Variants in MAP4K4 observed in about 807,000 individuals in gnomAD.
The protein encoded by MAP4K4 is HPK/GCK-like kinase HGK.
MAP4K4 carries 38 observed loss-of-function variants against 189.6 expected under a neutral mutation model. The observed-to-expected ratio is 0.20, with a 90% CI of 0.15 to 0.26. The LOEUF (loss-of-function observed/expected upper bound fraction) is 0.26. Among genes scored for constraint, MAP4K4 ranks in the 10% least tolerant of loss-of-function variants. MAP4K4 has a pLI of 1.00. For missense variants in MAP4K4, 1,054 were observed against 1,726.9 expected (o/e 0.61, Z 6.91); for synonymous variants, 610 against 624.3 (o/e 0.98, Z 0.34).
At chr2:101,713,120 A>C (rs1400549005) in intron 2 of MAP4K4, among the ~76,000 whole-genome samples, 2 of 148,262 alleles carry the variant, frequency 1.3e-5, no homozygotes, top group Non-Finnish European at 3.0e-5. Flanking sequence ...GGCCAGACTG[A>C]TCTCAAACTC....
intron 3 of MAP4K4, among the ~76,000 whole-genome samples, chr2:101,821,645 G>A (rs1018278657): frequency 6.6e-6 from 1 of 152,188 alleles, no homozygotes; most frequent in African/African-American, 2.4e-5. Flanking sequence ...GTGAGTGAAT[G>A]TGAAGGCCTA....
chr2:101,713,380 A>G (rs898505998), intron 2 of MAP4K4, among the ~76,000 whole-genome samples: 1 of 151,732 alleles, frequency 6.6e-6, no homozygotes, highest in African/African-American at 2.4e-5. Context: ...GGATCTTTTG[A>G]GGTCAGGAGT....
exon 16 of MAP4K4, chr2:101,860,964 T>C: frequency 6.2e-7 from 1 of 1,601,842 alleles, no homozygotes; most frequent in Non-Finnish European, 8.5e-7. Context: ...CATCCCGCCC[T>C]GCAGAGACCA....
At chr2:101,845,062 C>A (rs759872413) in intron 12 of MAP4K4, among the ~76,000 whole-genome samples, 2 of 151,946 alleles carry the variant, frequency 1.3e-5, no homozygotes, top group African/African-American at 2.4e-5. Context: ...CCTGCAACCA[C>A]CTAAGCTAGG....
intron 2 of MAP4K4, among the ~76,000 whole-genome samples, chr2:101,790,238 A>C (rs538261515): frequency 7.9e-5 from 12 of 152,120 alleles, no homozygotes; most frequent in Non-Finnish European, 1.6e-4. Flanking sequence ...CATTTTTGAC[A>C]ATAAAAAGTC....
Position 101,797,136 on chromosome 2 carries a change from G to A in MAP4K4, c.180+6360G>A, listed in dbSNP as rs933465755. 6 of 942,668 alleles carry A rather than the reference G, an allele frequency of 6.4e-6. No homozygotes were observed. In the South Asian group the frequency reaches 9.9e-5, roughly 16 times the overall value. 58.4% of individuals were successfully genotyped at this position (942,668 alleles called of 1,614,324 possible). On this transcript the variant is annotated intron_variant, in intron 3 of 32. Coordinates refer to ENST00000324219, the Ensembl canonical transcript of MAP4K4. ...CAATTTTACCCTTTTCATTTGGAGG[G>A]GAGCACAATGTAATGAATGTGTTGT...
chr2:101,720,106 G>A (rs2050878482), intron 2 of MAP4K4, among the ~76,000 whole-genome samples: 3 of 151,976 alleles, frequency 2.0e-5, no homozygotes, highest in African/African-American at 4.8e-5. Flanking sequence ...GAAAAAAAAT[G>A]TCTGGACAGA....
At chr2:101,722,586 T>G (rs1195596129) in intron 2 of MAP4K4, among the ~76,000 whole-genome samples, 1 of 152,256 alleles carries the variant, frequency 6.6e-6, no homozygotes, top group Non-Finnish European at 1.5e-5. Context: ...GTTGATTTTC[T>G]GATTAGCTTA....
At chr2:101,734,252 A>G (rs11695637) in intron 2 of MAP4K4, among the ~76,000 whole-genome samples, 4,792 of 152,326 alleles carry the variant, frequency 0.031, 92 homozygotes, top group Non-Finnish European at 0.049. Flanking sequence ...AAAATGTAAA[A>G]TAATATAATA....
At chr2:101,700,200 GAAAGA>G (rs1469514137) in intron 2 of MAP4K4, among the ~76,000 whole-genome samples, 1 of 152,186 alleles carries the variant, frequency 6.6e-6, no homozygotes, top group African/African-American at 2.4e-5. Context: ...TAAGAGAAAG[GAAAGA>G]ATGAAACCCC....
Position 101,804,026 on chromosome 2 carries a change from G to A in MAP4K4, c.180+13250G>A, listed in dbSNP as rs955932421. 4.6e-5 allele frequency among the ~76,000 whole-genome samples: 7 copies of A among 152,144 alleles called. No individual in the cohort carries two copies. In the East Asian group the frequency reaches 5.8e-4, roughly 13 times the overall value. On this transcript the variant is annotated intron_variant, in intron 3 of 32. Transcript: ENST00000324219. ...CTGTTAATCCATAAATGGCCTCAGCGTTGCGGGAAGCCAGGCTCTCTCTGC... is the reference window on the plus strand; with the variant it reads ...CTGTTAATCCATAAATGGCCTCAGCATTGCGGGAAGCCAGGCTCTCTCTGC...
Position 101,752,414 on chromosome 2 carries a change from A to G in MAP4K4, c.124-38306A>G, listed in dbSNP as rs540710250. Among the ~76,000 whole-genome samples the G allele has an allele frequency of 2.0e-5, 3 of 152,302 alleles. No homozygotes were observed. The South Asian group carries it at 6.2e-4, about 32-fold the overall frequency. On this transcript the variant is annotated intron_variant, in intron 2 of 32. Coordinates refer to ENST00000324219, the Ensembl canonical transcript of MAP4K4. ...TTGTATGAAGGGTGGCATTATCTCA[A>G]TAGAATTGGTTCATTCTTAGCTCAG... is the stretch of plus-strand genomic sequence containing the variant.
At chr2:101,710,526 C>T (rs1315308178) in intron 2 of MAP4K4, among the ~76,000 whole-genome samples, 1 of 152,074 alleles carries the variant, frequency 6.6e-6, no homozygotes, top group African/African-American at 2.4e-5. Context: ...AGGCACCATG[C>T]GAGGCTTGCT....
At chr2:101,717,183 A>G (rs1574119312) in intron 2 of MAP4K4, among the ~76,000 whole-genome samples, 1 of 152,186 alleles carries the variant, frequency 6.6e-6, no homozygotes, top group Non-Finnish European at 1.5e-5. Context: ...CCAACACTCT[A>G]CCTGCTTTTC....
chr2:101,788,959 A>T (rs2092329883), intron 2 of MAP4K4, among the ~76,000 whole-genome samples: 1 of 152,206 alleles, frequency 6.6e-6, no homozygotes, highest in African/African-American at 2.4e-5. Flanking sequence ...TAGGGATCTT[A>T]GGTGTTACCC....
chr2:101,786,488 C>T (rs951607349), intron 2 of MAP4K4, among the ~76,000 whole-genome samples: 10 of 151,936 alleles, frequency 6.6e-5, no homozygotes, highest in Admixed American at 1.3e-4. Context: ...AAGGGGATAA[C>T]GGTTCTGGTT....
In MAP4K4 at chr2:101,706,696, G is replaced by A. The variant is rs1361420541; in HGVS notation, c.123+8158G>A. 2.0e-5 allele frequency among the ~76,000 whole-genome samples: 3 copies of A among 152,242 alleles called. No individual in the cohort carries two copies. The East Asian group carries it at 5.8e-4, about 29-fold the overall frequency. On this transcript the variant is annotated intron_variant, in intron 2 of 32. Transcript: ENST00000324219. Reference sequence around the variant, plus strand: ...TCCTCATAGCTATGCAGGTATGGTTGCCCCTGGACCTGGCATGTAGCTATT... The same window carrying A: ...TCCTCATAGCTATGCAGGTATGGTTACCCCTGGACCTGGCATGTAGCTATT...
chr2:101,720,872 G>A (rs932800467), intron 2 of MAP4K4, among the ~76,000 whole-genome samples: 1 of 152,134 alleles, frequency 6.6e-6, no homozygotes, highest in Non-Finnish European at 1.5e-5. Flanking sequence ...AGGCATAGTT[G>A]ATCACATATT....
chr2:101,844,472 A>C (rs1040519793), intron 12 of MAP4K4, among the ~76,000 whole-genome samples, 161 bp downstream of exon 12: 2 of 152,238 alleles, frequency 1.3e-5, no homozygotes, highest in Non-Finnish European at 2.9e-5. Context: ...TACGCTTTGG[A>C]CTGGCAGGCC....
Sources: allele counts gnomAD v4.1 joint callset (sites outside exome capture counted in the v4.1 genomes callset), GRCh38; gene constraint gnomAD v4.1.1; transcripts MANE v1.5; gene names NCBI Gene and HGNC (gene_info 2026-07-23, HGNC 2026-07-21).